KCNMA1: variants seen among roughly 807,000 people sequenced by gnomAD.
KCNMA1 encodes Calcium-activated potassium channel subunit alpha-1.
In KCNMA1, 29 loss-of-function variants were observed where a neutral mutation model predicts 140.0. The ratio of observed to expected loss-of-function variants is 0.21; its 90% CI spans 0.15 to 0.28. The LOEUF (loss-of-function observed/expected upper bound fraction) is 0.28, where lower values mean the gene tolerates loss of function less well. Among genes scored for constraint, KCNMA1 ranks in the 10% least tolerant of loss-of-function variants. KCNMA1 has a pLI of 1.00. For missense variants in KCNMA1, 880 were observed against 1,602.2 expected, an observed-to-expected ratio of 0.55 and a Z score of 7.70; for synonymous variants, 612 against 611.9, an observed-to-expected ratio of 1.00 and a Z score of 0.00.
chr10:77,516,251 C>T (rs1018798166), intron 1 of KCNMA1, among the ~76,000 whole-genome samples: 1 of 152,014 alleles, frequency 6.6e-6, no homozygotes, highest in African/African-American at 2.4e-5. Context: ...CTTGGCCACA[C>T]TTGCTCTTCC....
At chr10:77,581,844 C>T (rs1489739993) in intron 1 of KCNMA1, among the ~76,000 whole-genome samples, 2 of 152,214 alleles carry the variant, frequency 1.3e-5, no homozygotes, top group Non-Finnish European at 2.9e-5. Flanking sequence ...ACTGAAGAAG[C>T]ACATGCTCCT....
chr10:77,183,388 C>G (rs755399287), intron 5 of KCNMA1, 33 bp downstream of exon 5: 3 of 1,432,232 alleles, frequency 2.1e-6, no homozygotes, highest in South Asian at 2.3e-5. Context: ...GACTCAGGAA[C>G]CAGGAAGGAG....
At chr10:76,987,163 A>G (rs2081495400) in intron 19 of KCNMA1, among the ~76,000 whole-genome samples, 1 of 151,876 alleles carries the variant, frequency 6.6e-6, no homozygotes, top group Admixed American at 6.6e-5. Flanking sequence ...AACAGAGTTT[A>G]CATGTTAATC....
chr10:77,267,827 A>G (rs917980847), intron 2 of KCNMA1, among the ~76,000 whole-genome samples: 2 of 152,196 alleles, frequency 1.3e-5, no homozygotes, highest in African/African-American at 4.8e-5. Flanking sequence ...TGTGGCACTG[A>G]GCTTTCAGTC....
chr10:77,544,418 T>A (rs1260347287), intron 1 of KCNMA1, among the ~76,000 whole-genome samples: 3 of 152,090 alleles, frequency 2.0e-5, no homozygotes, highest in Non-Finnish European at 1.5e-5. Context: ...CAAAAATCAC[T>A]CCTGAGAAGA....
intron 2 of KCNMA1, among the ~76,000 whole-genome samples, chr10:77,324,957 C>CTG (rs1363883838): frequency 6.3e-5 from 7 of 111,776 alleles, no homozygotes; most frequent in African/African-American, 1.7e-4. Context: ...CTCTCTCTCT[C>CTG]TCTCTCTCTC....
At chr10:77,306,312 A>C (rs1165205576) in intron 2 of KCNMA1, among the ~76,000 whole-genome samples, 7 of 152,228 alleles carry the variant, frequency 4.6e-5, no homozygotes, top group African/African-American at 7.2e-5. Context: ...ATGCAAAGGG[A>C]AAGTACAGCA....
At chr10:77,186,396 G>A (rs993612920) in intron 3 of KCNMA1, among the ~76,000 whole-genome samples, 7 of 151,528 alleles carry the variant, frequency 4.6e-5, no homozygotes, top group African/African-American at 1.5e-4. Flanking sequence ...AACGACAATT[G>A]CCAGGTTTTC....
chr10:77,047,672 T>TA (rs1476879765), intron 14 of KCNMA1, among the ~76,000 whole-genome samples: 1 of 151,834 alleles, frequency 6.6e-6, no homozygotes, highest in African/African-American at 2.4e-5. Flanking sequence ...TGTTTACACT[T>TA]AAGAGCCTTT....
At chr10:77,116,180 C>T (rs866319589) in intron 6 of KCNMA1, among the ~76,000 whole-genome samples, 3 of 152,222 alleles carry the variant, frequency 2.0e-5, no homozygotes, top group Non-Finnish European at 4.4e-5. Flanking sequence ...ATCATCAACA[C>T]CTGATCCAAC....
chr10:76,913,755 G>C (rs2051391487), intron 24 of KCNMA1: 1 of 326,732 alleles, frequency 3.1e-6, no homozygotes, highest in Non-Finnish European at 5.6e-6. Context: ...ACAAAAAAAA[G>C]TGGGGAAAAA....
chr10:77,195,298 G>A lies in KCNMA1; in HGVS notation c.603-10382C>T, dbSNP rs1435843550. On this transcript the variant is annotated intron_variant, in intron 3 of 27. Coordinates refer to ENST00000286628, the MANE Select transcript of KCNMA1 (RefSeq NM_001161352.2). ...AAAACGGAGTGTCTGAGATGCTGCT[G>A]ATTAGAAGTCATGGGTCTGCTGAGT... 3.3e-5 allele frequency among the ~76,000 whole-genome samples: 5 copies of A among 152,150 alleles called. No homozygotes were observed. The South Asian group carries it at 1.0e-3, about 32-fold the overall frequency.
chr10:77,568,034 G>A (rs926414457), intron 1 of KCNMA1, among the ~76,000 whole-genome samples: 4 of 152,186 alleles, frequency 2.6e-5, no homozygotes, highest in Non-Finnish European at 5.9e-5. Context: ...ACTAAACCAG[G>A]AAGAAGTTGA....
At chr10:77,610,006 C>G in intron 1 of KCNMA1, among the ~76,000 whole-genome samples, 1 of 152,208 alleles carries the variant, frequency 6.6e-6, no homozygotes, top group Non-Finnish European at 1.5e-5. Context: ...GGCCAGTCAC[C>G]CACCATCCCC....
intron 19 of KCNMA1, among the ~76,000 whole-genome samples, chr10:76,997,746 T>G (rs1270458062): frequency 6.6e-6 from 1 of 152,180 alleles, no homozygotes; most frequent in East Asian, 1.9e-4. Flanking sequence ...TTTTTTACAT[T>G]TAATAGTACT....
rs542266296 is a variant in KCNMA1 at position 77,381,756 on chromosome 10, T to A, written c.540+22106A>T. 2.9e-4 allele frequency among the ~76,000 whole-genome samples: 44 copies of A among 152,288 alleles called. No individual in the cohort carries two copies. The South Asian group carries it at 8.9e-3, about 31-fold the overall frequency. On this transcript the variant is annotated intron_variant, in intron 2 of 27. Transcript: ENST00000286628. Reference sequence around the variant, plus strand: ...TTGTTTATATTTTTGAATTGTTGACTTAGAATCAGTTTTAAATCTGAGCCC... The same window carrying A: ...TTGTTTATATTTTTGAATTGTTGACATAGAATCAGTTTTAAATCTGAGCCC...
intron 1 of KCNMA1, among the ~76,000 whole-genome samples, chr10:77,539,761 G>A (rs1603634300): frequency 2.0e-5 from 3 of 152,280 alleles, no homozygotes; most frequent in South Asian, 2.1e-4. Flanking sequence ...GCTGTTGGCC[G>A]CTGGGAGAAA....
At chr10:77,064,983 T>C (rs934162966) in intron 14 of KCNMA1, among the ~76,000 whole-genome samples, 23 of 152,200 alleles carry the variant, frequency 1.5e-4, no homozygotes, top group Non-Finnish European at 5.9e-5. Flanking sequence ...AAGGGAATCA[T>C]ATACAGTAGC....
At chr10:77,140,721 C>G (rs772090185) in intron 5 of KCNMA1, 1 of 152,322 alleles carries the variant, frequency 6.6e-6, no homozygotes, top group Non-Finnish European at 1.5e-5. Context: ...CTTGCAAGAA[C>G]CCCGGCATGC....
Sources: allele counts gnomAD v4.1 joint callset (sites outside exome capture counted in the v4.1 genomes callset), GRCh38; gene constraint gnomAD v4.1.1; transcripts MANE v1.5; gene names NCBI Gene and HGNC (gene_info 2026-07-23, HGNC 2026-07-21).